Variants in MGAM2 observed in about 807,000 individuals in gnomAD.
MGAM2 encodes probable maltase-glucoamylase 2.
MGAM2 carries 98 observed loss-of-function variants against 96.1 expected under a neutral mutation model. That is an observed-to-expected ratio of 1.02 (90% confidence interval 0.87 to 1.21). The LOEUF (loss-of-function observed/expected upper bound fraction) is 1.21. Among genes scored for constraint, MGAM2 ranks in the 50% most tolerant of loss-of-function variants. The pLI is 0.00. For missense variants in MGAM2, 2,055 were observed against 1,182.4 expected, an observed-to-expected ratio of 1.74 and a Z score of -10.82; for synonymous variants, 749 against 414.8, an observed-to-expected ratio of 1.81 and a Z score of -9.79.
At chr7:142,160,372 C>T (rs567000081) in intron 21 of MGAM2, 114 bp downstream of exon 21, 127 of 572,074 alleles carry the variant, frequency 2.2e-4, no homozygotes, top group African/African-American at 1.2e-3. Flanking sequence ...AGTCACCCAT[C>T]AGTAATCTTC....
Position 142,149,548 on chromosome 7 carries a change from G to GTT in MGAM2, c.1634+1984_1634+1985dup, listed in dbSNP as rs146986738. The stretch of plus-strand genomic sequence containing the variant: ...CTGACGTTGTCTACTTGGATGTTTT[G>GTT]TTTTTTTTTTGAGACGGAGTCTCGC... On this transcript the variant is annotated intron_variant, in intron 15 of 47. Coordinates refer to ENST00000477922, the MANE Select transcript of MGAM2 (RefSeq NM_001293626.2). Among the ~76,000 whole-genome samples, 104 of 149,284 alleles carry GTT rather than the reference G, an allele frequency of 7.0e-4. No homozygotes were observed. In the East Asian group the frequency reaches 0.011, roughly 16 times the overall value.
chr7:142,220,809 A>G lies in MGAM2; in HGVS notation c.6298A>G (p.Ile2100Val). 1.4e-6 allele frequency: 1 copy of G among 702,098 alleles called. No homozygotes were observed. Among genetic ancestry groups the G allele is most frequent in the South Asian group, 1.5e-5 (1 of 67,590 alleles). 43.5% of individuals were successfully genotyped at this position (702,098 alleles called of 1,614,324 possible). A position where few individuals can be genotyped will look rare whatever the true frequency, so the allele number is the denominator to read the frequency against. ...TGTGAGTACTATTGCTACCGTTCCC[A>G]TTTCAGTGACTCCTTCTCTGACAAG... ...TTVSTIATVP[I>V]SVTPSLTSTA... is the part of the protein sequence containing the mutation. Residue 2100 changes from isoleucine to valine, a missense_variant, in exon 48 of 48, where the codon ATT becomes GTT. Ile to Val is a conservative substitution (Grantham distance 29). Transcript: ENST00000477922.
chr7:142,201,985 GCAA>G (rs1188260173), intron 45 of MGAM2, among the ~76,000 whole-genome samples: 3 of 10,606 alleles, frequency 2.8e-4, no homozygotes, highest in African/African-American at 7.9e-4. Context: ...GGAATAAAAA[GCAA>G]TTAAAGCAAT....
intron 26 of MGAM2, among the ~76,000 whole-genome samples, chr7:142,169,376 C>T (rs943733543): frequency 2.6e-5 from 4 of 151,762 alleles, no homozygotes; most frequent in African/African-American, 7.3e-5. Flanking sequence ...AAGCCGAGAT[C>T]GCACCACTGC....
At chr7:142,170,639 T>G (rs1327339779) in intron 27 of MGAM2, among the ~76,000 whole-genome samples, 1 of 152,190 alleles carries the variant, frequency 6.6e-6, no homozygotes, top group Non-Finnish European at 1.5e-5. Flanking sequence ...CGTTTGCTTC[T>G]GTGGACACAG....
chr7:142,179,396 A>G (rs1585192519), intron 32 of MGAM2, among the ~76,000 whole-genome samples: 1 of 152,006 alleles, frequency 6.6e-6, no homozygotes, highest in South Asian at 2.1e-4. Context: ...GTACTATGTT[A>G]AATAGGAGTG....
chr7:142,113,318 C>T lies in MGAM2; in HGVS notation c.-1+1511C>T, dbSNP rs73536312. The stretch of plus-strand genomic sequence containing the variant: ...AGACGCTGAGCAGCTGGGGTTAGGA[C>T]GTGCCATGAAGACCTTTGATCACAA... On this transcript the variant is annotated intron_variant, in intron 1 of 47. Transcript: ENST00000477922. 8.1e-3 allele frequency among the ~76,000 whole-genome samples: 1,229 copies of T among 152,094 alleles called. 13 individuals are homozygous for T. Among genetic ancestry groups the T allele is most frequent in the Middle Eastern group, 0.024 (7 of 294 alleles).
rs923679830 is a variant in MGAM2 at position 142,171,353 on chromosome 7, T to C, written c.3264T>C (p.Tyr1088=). The part of the protein sequence containing the change: ...ISTRLPSQYI[Y]GFGETEHTTF... The stretch of plus-strand genomic sequence containing the variant: ...CGCGTCTGCCGTCCCAGTACATCTA[T>C]GGCTTTGGGGAAACTGAGCACACGA... The change falls in exon 28 of 48, where the codon TAT becomes TAC. Residue 1088 remains tyrosine, a synonymous_variant. Transcript: ENST00000477922. 1.7e-5 allele frequency: 12 copies of C among 703,058 alleles called. No homozygotes were observed. Among genetic ancestry groups the C allele is most frequent in the Middle Eastern group, 4.6e-4 (2 of 4,394 alleles). 43.6% of individuals were successfully genotyped at this position (703,058 alleles called of 1,614,324 possible).
intron 3 of MGAM2, among the ~76,000 whole-genome samples, chr7:142,125,366 G>C (rs1174765832): frequency 6.6e-6 from 1 of 152,126 alleles, no homozygotes; most frequent in Non-Finnish European, 1.5e-5. Context: ...AGGGATGTTA[G>C]AGCAGACCAC....
intron 45 of MGAM2, among the ~76,000 whole-genome samples, chr7:142,205,718 G>A (rs6464470): frequency 0.012 from 1,825 of 152,106 alleles, 46 homozygotes; most frequent in African/African-American, 0.041. Flanking sequence ...TCCCTTATCC[G>A]ATGCAGGATT....
chr7:142,220,148 TACA>T lies in MGAM2; in HGVS notation c.5640_5642del (p.Thr1881del), dbSNP rs1488377036. 4.6e-5 allele frequency: 32 copies of T among 702,710 alleles called. No homozygotes were observed. The highest frequency in any genetic ancestry group is 6.5e-5 in the Non-Finnish European group (25 of 384,934). 43.5% of individuals were successfully genotyped at this position (702,710 alleles called of 1,614,324 possible). ...TTACAACTAATACTACTGTTCCTGA[TACA>T]ACTTCTCCTTTCCCTACAAGTACTA... On this transcript the variant is annotated inframe_deletion, in exon 48 of 48. Coordinates refer to ENST00000477922, the MANE Select transcript of MGAM2 (RefSeq NM_001293626.2).
chr7:142,128,634 C>T (rs1036221402), intron 3 of MGAM2, among the ~76,000 whole-genome samples: 14 of 152,308 alleles, frequency 9.2e-5, no homozygotes, highest in South Asian at 2.1e-4. Context: ...AAGTACAGCT[C>T]GGGCCATGGC....
chr7:142,218,605 C>A, intron 47 of MGAM2, 74 bp downstream of exon 47: 1 of 568,394 alleles, frequency 1.8e-6, no homozygotes, highest in South Asian at 2.5e-5. Flanking sequence ...AATAATTTTG[C>A]TAACAATTAA....
intron 45 of MGAM2, among the ~76,000 whole-genome samples, chr7:142,202,235 T>C (rs908654032): frequency 6.6e-6 from 1 of 152,178 alleles, no homozygotes; most frequent in East Asian, 1.9e-4. Flanking sequence ...TGGGTATCCA[T>C]AGGCGGTTGG....
intron 32 of MGAM2, 110 bp from the exon 33 acceptor site, chr7:142,183,156 G>A (rs1796592791): frequency 5.0e-6 from 3 of 594,610 alleles, no homozygotes; most frequent in South Asian, 2.1e-5. Flanking sequence ...TTTATTTTTG[G>A]TATTGAGATT....
intron 17 of MGAM2, 50 bp downstream of exon 17, chr7:142,154,895 C>T: frequency 1.4e-6 from 1 of 700,256 alleles, no homozygotes; most frequent in Non-Finnish European, 2.6e-6. Context: ...AGCTAATCTA[C>T]TGGCTCTTAA....
At position 142,162,819 on chromosome 7, in the gene MGAM2, A is replaced by G. The variant is rs538013198; in HGVS notation, c.2484+815A>G. On this transcript the variant is annotated intron_variant, in intron 23 of 47. Transcript: ENST00000477922. The stretch of plus-strand genomic sequence containing the variant: ...TTTGCCCAGTTTCTCCTATGGTAAC[A>G]TCTTATAAACCTATAGCACAATTTC... Among the ~76,000 whole-genome samples, 4 of 151,898 alleles carry G rather than the reference A, an allele frequency of 2.6e-5. No individual in the cohort carries two copies. In the East Asian group the frequency reaches 7.8e-4, roughly 30 times the overall value.
intron 1 of MGAM2, 85 bp from the exon 2 acceptor site, chr7:142,116,789 C>T (rs1180640755): frequency 7.4e-6 from 5 of 680,234 alleles, no homozygotes; most frequent in African/African-American, 7.1e-5. Context: ...CAAACAATTC[C>T]ACATTTGGAT....
chr7:142,132,281 T>C (rs1794911881), intron 6 of MGAM2, among the ~76,000 whole-genome samples, 196 bp downstream of exon 6: 1 of 149,236 alleles, frequency 6.7e-6, no homozygotes, highest in Admixed American at 6.8e-5. Flanking sequence ...TAAAAGGTAA[T>C]ACTAAAATGT....
Sources: gnomAD v4.1 joint callset for allele counts (sites outside exome capture counted in the v4.1 genomes callset) on GRCh38, gnomAD v4.1.1 for gene constraint, MANE v1.5 for transcripts, NCBI Gene and HGNC (gene_info 2026-07-23, HGNC 2026-07-21) for gene names.